The following UNC45A variants were observed in gnomAD, a reference collection of about 807,000 sequenced individuals.
UNC45A encodes protein unc-45 homolog A.
Under a neutral mutation model 103.2 loss-of-function variants are expected in UNC45A, and 78 were observed. That is an observed-to-expected ratio of 0.76 (90% confidence interval 0.63 to 0.91). The LOEUF is 0.91. Ranked by LOEUF, UNC45A falls within the 40% of genes least tolerant of loss-of-function variation. The pLI, the probability that UNC45A is intolerant of heterozygous loss-of-function variation, is 0.00. For synonymous variants in UNC45A, 495 were observed against 504.6 expected (o/e 0.98, Z 0.25); for missense variants, 1,193 against 1,224.8 (o/e 0.97, Z 0.39).
chr15:90,946,202 C>T (rs1477580850), intron 9 of UNC45A, among the ~76,000 whole-genome samples: 10 of 144,596 alleles, frequency 6.9e-5, no homozygotes, highest in African/African-American at 1.8e-4. Flanking sequence ...TGCAGTGAGC[C>T]GAGATCACGC....
rs1393242759 is a variant in UNC45A, at chr15:90,947,902, G to A, written c.1595+12G>A. 1.2e-6 allele frequency: 2 copies of A among 1,611,310 alleles called. No individual in the cohort carries two copies. The highest frequency in any genetic ancestry group is 1.7e-6 in the Non-Finnish European group (2 of 1,178,512). On this transcript the variant is annotated intron_variant, in intron 11 of 19. Transcript: ENST00000418476. ...AAGCAGTGTCGAAAGTGAGTCATCT[G>A]GCCTTGCTGTGGTTCCCCACCTGTG...
At position 90,946,636 on chromosome 15, in the gene UNC45A, C is replaced by T; in HGVS notation, c.1222C>T (p.Leu408=). ...YIKSWFEGQG[L]AGKLRAIQTV... is the part of the protein sequence containing the mutation. ...CAGGAGCTGGTTTGAGGGCCAAGGGCTGGCCGGGAAGCTACGGGCCATCCA... is the reference window on the plus strand; with the variant it reads ...CAGGAGCTGGTTTGAGGGCCAAGGGTTGGCCGGGAAGCTACGGGCCATCCA... The change falls in exon 10 of 20, where the codon CTG becomes TTG. Residue 408 remains leucine (L), a synonymous_variant. Coordinates refer to ENST00000418476, the MANE Select transcript of UNC45A (RefSeq NM_018671.5). The T allele has an allele frequency of 6.2e-7, 1 of 1,608,852 alleles. No individual in the cohort carries two copies. The highest frequency in any genetic ancestry group is 2.2e-5 in the East Asian group (1 of 44,802).
chr15:90,932,010 C>G (rs766367179), upstream of UNC45A: 5 of 1,613,990 alleles, frequency 3.1e-6, no homozygotes, highest in South Asian at 5.5e-5. Flanking sequence ...GAATGGGGCC[C>G]CTAATCCCCA....
At chr15:90,935,128 C>T, upstream of UNC45A, 4 of 614,704 alleles carry the variant, frequency 6.5e-6, no homozygotes, top group Non-Finnish European at 8.6e-6. Context: ...TTAGGTGCGC[C>T]CGGAGCTTGC....
Position 90,939,912 on chromosome 15 carries a change from G to A in UNC45A, c.519+89G>A, listed in dbSNP as rs537679323. On this transcript the variant is annotated intron_variant, in intron 5 of 19. Transcript: ENST00000418476. ...GAAGCCACTGCTGCCTTGCTCTGCC[G>A]CTCCTCCAATCGTGCAGCTGGGCTC... 1.4e-4 allele frequency: 169 copies of A among 1,237,696 alleles called. 3 individuals carry two copies. The South Asian group carries it at 1.6e-3, about 12-fold the overall frequency. The allele number at this position is 1,237,696 out of a possible 1,614,324, so 76.7% of individuals were successfully genotyped here.
At chr15:90,932,646 G>A (rs1221787341), upstream of UNC45A, 2 of 605,656 alleles carry the variant, frequency 3.3e-6, no homozygotes, top group East Asian at 3.5e-5. Flanking sequence ...AATTCAGCGG[G>A]CCGAGTTGGG....
intron 4 of UNC45A, among the ~76,000 whole-genome samples, chr15:90,936,957 G>C (rs1296334321): frequency 6.6e-6 from 1 of 152,168 alleles, no homozygotes; most frequent in Non-Finnish European, 1.5e-5. Flanking sequence ...TGAATAAATG[G>C]GTAATGTCCT....
Position 90,949,655 on chromosome 15 carries a change from G to A in UNC45A, c.2008G>A (p.Val670Ile), listed in dbSNP as rs2036782086. 6.2e-7 allele frequency: 1 copy of A among 1,614,140 alleles called. No homozygotes were observed. Among genetic ancestry groups the A allele is most frequent in the Non-Finnish European group, 8.5e-7 (1 of 1,180,010 alleles). The change falls in exon 15 of 20, where the codon GTC (valine) becomes ATC (isoleucine). Residue 670 changes from valine (V) to isoleucine (I), a missense_variant and splice_region_variant. Physicochemically the swap from Val to Ile is conservative, Grantham distance 29 (BLOSUM62 3). Coordinates refer to ENST00000418476, the MANE Select transcript of UNC45A (RefSeq NM_018671.5). ...TSSCRELLSR[V>I]FLALVEEVED... ...CCCACCACCGCCTTCTCCCCACAGG[G>A]TCTTCTTGGCTTTAGTGGAAGAGGT... is the stretch of plus-strand genomic sequence containing the variant.
At chr15:90,931,456 GC>G, upstream of UNC45A, 3 of 1,613,732 alleles carry the variant, frequency 1.9e-6, no homozygotes, top group Non-Finnish European at 2.5e-6. Flanking sequence ...GGAAAGCACT[GC>G]CTTTTCCCCA....
At chr15:90,945,322 TC>T (rs2036508203) in intron 9 of UNC45A, among the ~76,000 whole-genome samples, 1 of 152,052 alleles carries the variant, frequency 6.6e-6, no homozygotes, top group Non-Finnish European at 1.5e-5. Flanking sequence ...ACCAAACACT[TC>T]CTACGCTTCT....
intron 3 of UNC45A, 98 bp downstream of exon 3, chr15:90,936,080 C>T (rs2036001695): frequency 6.4e-7 from 1 of 1,572,014 alleles, no homozygotes; most frequent in Admixed American, 1.9e-5. Context: ...CCTTTGGCCC[C>T]AGAGACACAT....
chr15:90,930,307 C>T (rs2035746245), upstream of UNC45A: 1 of 152,254 alleles, frequency 6.6e-6, no homozygotes, highest in South Asian at 2.1e-4. Flanking sequence ...CTGCTGGGGT[C>T]TCTCCGGTGC....
chr15:90,945,097 G>A (rs772886420), intron 9 of UNC45A, 34 bp downstream of exon 9: 3 of 1,603,092 alleles, frequency 1.9e-6, no homozygotes, highest in East Asian at 4.5e-5. Context: ...CGTTGCCAGG[G>A]ATTCTAGCGA....
intron 10 of UNC45A, 25 bp downstream of exon 10, chr15:90,946,939 T>TGGGCGGGGGGGGGGG: frequency 2.4e-6 from 2 of 839,532 alleles, no homozygotes; most frequent in African/African-American, 1.7e-5. Flanking sequence ...CTGGGGTGGG[T>TGGGCGGGGGGGGGGG]GGGCAGGCAG....
chr15:90,940,363 C>G lies in UNC45A; in HGVS notation c.577C>G (p.Arg193Gly). The change falls in exon 6 of 20, where the codon CGG becomes GGG. Residue 193 changes from arginine to glycine, a missense_variant. Coordinates refer to ENST00000418476, the MANE Select transcript of UNC45A (RefSeq NM_018671.5). ...REDAGAEKIFRSNGVQLLQRL... is the reference protein window; with the variant it reads ...REDAGAEKIFGSNGVQLLQRL... ...GGATGCTGGAGCGGAGAAGATCTTC[C>G]GGAGTAATGGGGTTCAGCTCTTGCA... 1.2e-6 allele frequency: 2 copies of G among 1,614,112 alleles called. No homozygotes were observed. Among genetic ancestry groups the G allele is most frequent in the African/African-American group, 2.7e-5 (2 of 75,036 alleles).
At chr15:90,935,516 G>T (rs1303233141) in intron 1 of UNC45A, 28 bp from the exon 2 acceptor site, 2 of 1,576,760 alleles carry the variant, frequency 1.3e-6, no homozygotes, top group Non-Finnish European at 1.7e-6. Context: ...AACCCCCTCC[G>T]ACGTTTCCGC....
rs2036597614 is a variant in UNC45A, at chr15:90,946,828, T to C, written c.1414T>C (p.Ser472Pro). The change falls in exon 10 of 20, where the codon TCA (serine) becomes CCA (proline). Residue 472 changes from serine (S) to proline (P), a missense_variant. Coordinates refer to ENST00000418476, the MANE Select transcript of UNC45A (RefSeq NM_018671.5). ...IHAAGKAKRA[S>P]FITANGVSLL... ...TGCAGCCGGCAAGGCTAAGCGGGCCTCATTCATCACTGCCAATGGTGTCTC... is the reference window on the plus strand; with the variant it reads ...TGCAGCCGGCAAGGCTAAGCGGGCCCCATTCATCACTGCCAATGGTGTCTC... The C allele has an allele frequency of 1.2e-6, 2 of 1,613,994 alleles. No individual in the cohort carries two copies. Among genetic ancestry groups the C allele is most frequent in the Non-Finnish European group, 1.7e-6 (2 of 1,179,928 alleles).
upstream of UNC45A, chr15:90,935,258 G>A: frequency 6.7e-7 from 1 of 1,492,624 alleles, no homozygotes; most frequent in Non-Finnish European, 9.1e-7. Flanking sequence ...TGCCGGTGGC[G>A]TCCCGAACCC....
At chr15:90,949,068 G>C (rs1251272606) in intron 13 of UNC45A, among the ~76,000 whole-genome samples, 1 of 152,016 alleles carries the variant, frequency 6.6e-6, no homozygotes, top group Non-Finnish European at 1.5e-5. Context: ...AGTGGAGACA[G>C]TGTTTCACCG....
Sources: gnomAD v4.1 joint callset for allele counts (sites outside exome capture counted in the v4.1 genomes callset) on GRCh38, gnomAD v4.1.1 for gene constraint, MANE v1.5 for transcripts, NCBI Gene and HGNC (gene_info 2026-07-23, HGNC 2026-07-21) for gene names.